Variants in GFRA1 observed in about 807,000 individuals in gnomAD.
GFRA1 encodes GDNF family receptor alpha-1.
A neutral mutation model predicts 51.6 loss-of-function variants in GFRA1; 16 were observed. The observed-to-expected ratio is 0.31, with a 90% confidence interval of 0.21 to 0.47. The LOEUF is 0.47. GFRA1 is among the 20% of genes least tolerant of loss of function. The probability of loss-of-function intolerance (pLI) is 1.00; values close to 1 mark genes in which losing one functional copy is unlikely to be tolerated. For synonymous variants in GFRA1, 270 were observed against 241.3 expected (o/e 1.12, Z -1.10); for missense variants, 530 against 594.3 (o/e 0.89, Z 1.13).
intron 5 of GFRA1, among the ~76,000 whole-genome samples, chr10:116,162,205 G>A (rs373279976): frequency 5.3e-5 from 8 of 152,180 alleles, no homozygotes; most frequent in South Asian, 2.1e-4. Context: ...TGGAGGCAGC[G>A]GAGCCAGGCC....
intron 7 of GFRA1, 94 bp from the exon 8 acceptor site, chr10:116,093,930 C>T (rs953569090): frequency 2.3e-5 from 28 of 1,191,782 alleles, no homozygotes; most frequent in African/African-American, 9.0e-5. Context: ...GCGGATGCAC[C>T]GTGGATAATT....
At chr10:116,261,688 T>C (rs1969313514) in intron 4 of GFRA1, among the ~76,000 whole-genome samples, 1 of 152,238 alleles carries the variant, frequency 6.6e-6, no homozygotes, top group African/African-American at 2.4e-5. Context: ...ACAAGTTTCC[T>C]TGGCATGAAT....
chr10:116,170,182 C>T (rs114230428), intron 5 of GFRA1, among the ~76,000 whole-genome samples: 4,174 of 152,232 alleles, frequency 0.027, 64 homozygotes, highest in African/African-American at 0.045. Context: ...CAGGAAGAGA[C>T]TCACCACCAT....
chr10:116,166,709 C>T (rs1361649863), intron 5 of GFRA1, among the ~76,000 whole-genome samples: 1 of 151,180 alleles, frequency 6.6e-6, no homozygotes. Context: ...CCTGCCAGTT[C>T]CTCCCACTCC....
At chr10:116,158,453 A>G (rs11197556) in intron 5 of GFRA1, among the ~76,000 whole-genome samples, 26,752 of 152,232 alleles carry the variant, frequency 0.18, 2,909 homozygotes, top group Admixed American at 0.29. Flanking sequence ...TGGCTTCCCC[A>G]TTTTATTCAT....
chr10:116,178,393 T>C (rs1484220422), intron 5 of GFRA1, among the ~76,000 whole-genome samples: 2 of 152,308 alleles, frequency 1.3e-5, no homozygotes, highest in South Asian at 2.1e-4. Flanking sequence ...TTATTGTTAT[T>C]TGAATGTCTC....
chr10:116,105,266 C>A (rs1236775900), intron 6 of GFRA1, among the ~76,000 whole-genome samples: 2 of 152,118 alleles, frequency 1.3e-5, no homozygotes, highest in Non-Finnish European at 2.9e-5. Flanking sequence ...TTTCTGCAGG[C>A]AAACTTTAGA....
intron 6 of GFRA1, among the ~76,000 whole-genome samples, chr10:116,122,315 T>C (rs1159170422): frequency 6.6e-6 from 1 of 152,130 alleles, no homozygotes; most frequent in Admixed American, 6.5e-5. Flanking sequence ...GTGGCTGCTG[T>C]CCACTCCAGG....
At chr10:116,158,740 A>G (rs969731560) in intron 5 of GFRA1, among the ~76,000 whole-genome samples, 2 of 152,210 alleles carry the variant, frequency 1.3e-5, no homozygotes, top group African/African-American at 2.4e-5. Context: ...AGGTACTCAC[A>G]GTGGGCAAAA....
intron 6 of GFRA1, among the ~76,000 whole-genome samples, chr10:116,097,178 G>A (rs544508482): frequency 3.3e-5 from 5 of 152,146 alleles, no homozygotes; most frequent in Admixed American, 6.5e-5. Flanking sequence ...ATACAGAAAC[G>A]TGTCCCTGGC....
intron 5 of GFRA1, among the ~76,000 whole-genome samples, chr10:116,151,433 C>T (rs1959060450): frequency 1.3e-5 from 2 of 152,122 alleles, no homozygotes; most frequent in South Asian, 2.1e-4. Context: ...GGAAGGGGCA[C>T]CCCACTACAT....
chr10:116,247,473 A>C (rs886728222), intron 4 of GFRA1, among the ~76,000 whole-genome samples: 3 of 152,236 alleles, frequency 2.0e-5, no homozygotes, highest in African/African-American at 7.2e-5. Context: ...AACAAACCCC[A>C]GAGTCCTTAT....
chr10:116,167,026 C>G (rs1336223808), intron 5 of GFRA1, among the ~76,000 whole-genome samples: 2 of 151,852 alleles, frequency 1.3e-5, no homozygotes, highest in Admixed American at 1.3e-4. Context: ...GTCTCAATCT[C>G]CTGACCTCCT....
At chr10:116,238,632 C>T (rs542810706) in intron 4 of GFRA1, among the ~76,000 whole-genome samples, 26 of 152,274 alleles carry the variant, frequency 1.7e-4, no homozygotes, top group African/African-American at 6.3e-4. Context: ...CTCAGAATTA[C>T]GACTTAATTG....
chr10:116,227,700 TA>T (rs1966396081), intron 4 of GFRA1, among the ~76,000 whole-genome samples: 1 of 152,232 alleles, frequency 6.6e-6, no homozygotes, highest in South Asian at 2.1e-4. Flanking sequence ...ACAGACAAGA[TA>T]TCTAAGAGTT....
intron 9 of GFRA1, among the ~76,000 whole-genome samples, chr10:116,079,885 T>C (rs1173802869): frequency 6.6e-6 from 1 of 151,978 alleles, no homozygotes; most frequent in Non-Finnish European, 1.5e-5. Flanking sequence ...GAAGCACCTA[T>C]CTCCAAACTC....
rs1231035117 is a variant in GFRA1, at chr10:116,059,733, C to T, written c.*4665G>A. 6.6e-6 allele frequency: 1 copy of T among 152,218 alleles called. No individual in the cohort carries two copies. The highest frequency in any genetic ancestry group is 2.4e-5 in the African/African-American group (1 of 41,446). 9.4% of individuals were successfully genotyped at this position (152,218 alleles called of 1,614,324 possible). A position where few individuals can be genotyped will look rare whatever the true frequency, so the allele number is the denominator to read the frequency against. ...AGGGAGGAGAAGCTCATCAGAGACA[C>T]TGGGAGCAACAAAGGGATTCCTGGC... On this transcript the variant is annotated 3_prime_UTR_variant, in exon 11 of 11. Coordinates refer to ENST00000355422, the MANE Select transcript of GFRA1 (RefSeq NM_005264.8).
intron 9 of GFRA1, among the ~76,000 whole-genome samples, chr10:116,075,650 A>T (rs914124892): frequency 4.0e-5 from 6 of 149,198 alleles, no homozygotes; most frequent in African/African-American, 1.3e-4. Flanking sequence ...TCCTTTTCTT[A>T]AAAAAAAATC....
At chr10:116,254,846 C>CA (rs1968699083) in intron 4 of GFRA1, among the ~76,000 whole-genome samples, 1 of 152,116 alleles carries the variant, frequency 6.6e-6, no homozygotes, top group Non-Finnish European at 1.5e-5. Flanking sequence ...AGCTAGTATT[C>CA]AAAAAAACAG....
Sources: allele counts gnomAD v4.1 joint callset (sites outside exome capture counted in the v4.1 genomes callset), GRCh38; gene constraint gnomAD v4.1.1; transcripts MANE v1.5; gene names NCBI Gene and HGNC (gene_info 2026-07-23, HGNC 2026-07-21).